The following NAPRT variants were observed in gnomAD, a reference collection of about 807,000 sequenced individuals.
The protein encoded by NAPRT is nicotinate phosphoribosyltransferase.
A neutral mutation model predicts 60.7 loss-of-function variants in NAPRT; 66 were observed. The ratio of observed to expected loss-of-function variants is 1.09; its 90% CI spans 0.89 to 1.33. The LOEUF (loss-of-function observed/expected upper bound fraction) is 1.33. NAPRT is among the 40% of genes most tolerant of loss of function. The pLI, the probability that NAPRT is intolerant of heterozygous loss-of-function variation, is 0.00. For synonymous variants in NAPRT, 405 were observed against 335.7 expected (o/e 1.21, Z -2.26); for missense variants, 818 against 731.5 (o/e 1.12, Z -1.36).
chr8:143,575,565 C>T (rs775692079), intron 9 of NAPRT, 40 bp from the exon 10 acceptor site: 2 of 1,588,220 alleles, frequency 1.3e-6, no homozygotes, highest in Admixed American at 1.7e-5. Flanking sequence ...TCCTTATCCC[C>T]CACCCAGCAC....
Position 143,575,475 on chromosome 8 carries a change from C to T in NAPRT, c.1239G>A (p.Glu413=). ...CCTTGCTCCCAGGCAACGTCTGCTT[C>T]TCGGGGTCCTCGGTCAGCTTCATTC... ...QPRMKLTEDP[E]KQTLPGSKAA... Residue 413 remains glutamate (E), a synonymous_variant, in exon 10 of 13, where the codon GAG becomes GAA. Transcript: ENST00000449291. 1 of 1,599,294 alleles carries T rather than the reference C, an allele frequency of 6.3e-7. No individual in the cohort carries two copies. Among genetic ancestry groups the T allele is most frequent in the Admixed American group, 1.7e-5 (1 of 59,812 alleles).
In NAPRT at chr8:143,575,800, G is replaced by A. The variant is rs980075088; in HGVS notation, c.1108-98C>T. ...GGAAGGAGGTGGCACTGCCCTGGGTGGGGAAGGGGGTGGCAGTGCCCTGGG... is the reference window on the plus strand; with the variant it reads ...GGAAGGAGGTGGCACTGCCCTGGGTAGGGAAGGGGGTGGCAGTGCCCTGGG... On this transcript the variant is annotated intron_variant, in intron 8 of 12. Coordinates refer to ENST00000449291, the MANE Select transcript of NAPRT (RefSeq NM_145201.6). 5.7e-6 allele frequency: 3 copies of A among 525,566 alleles called. No homozygotes were observed. The African/African-American group carries it at 1.6e-4, about 27-fold the overall frequency. 32.6% of individuals were successfully genotyped at this position (525,566 alleles called of 1,614,324 possible). A position where few individuals can be genotyped will look rare whatever the true frequency, so the allele number is the denominator to read the frequency against.
intron 2 of NAPRT, 24 bp from the exon 3 acceptor site, chr8:143,577,763 G>T: frequency 6.4e-7 from 1 of 1,562,298 alleles, no homozygotes. Context: ...AGTCAGCTCC[G>T]CGCTCGGCCC....
Position 143,577,660 on chromosome 8 carries a change from G to A in NAPRT, c.434C>T (p.Ala145Val). The change falls in exon 3 of 13, where the codon GCC (alanine) becomes GTC (valine). Residue 145 changes from alanine to valine, a missense_variant. By Grantham distance (64) the Ala-to-Val change is moderately conservative (BLOSUM62 0). Coordinates refer to ENST00000449291, the MANE Select transcript of NAPRT (RefSeq NM_145201.6). Reference sequence around the variant, plus strand: ...CTGCCAGTGGCCCGCAGCCCACCTGGCGTAGCTGACCAGGCAGAGCAGCGG... The same window carrying A: ...CTGCCAGTGGCCCGCAGCCCACCTGACGTAGCTGACCAGGCAGAGCAGCGG... ...ETPLLCLVSY[A>V]SLVATNAARL... 3 of 1,537,922 alleles carry A rather than the reference G, an allele frequency of 2.0e-6. No homozygotes were observed. The highest frequency in any genetic ancestry group is 2.6e-6 in the Non-Finnish European group (3 of 1,146,678).
At chr8:143,572,905 G>GGA (rs1179463741), downstream of NAPRT, 2 of 617,684 alleles carry the variant, frequency 3.2e-6, no homozygotes, top group Non-Finnish European at 5.2e-6. Context: ...CTGGGCTGCT[G>GGA]GAGGGGAGTG....
rs1266473103 is a variant in NAPRT at position 143,576,737 on chromosome 8, G to A, written c.790C>T (p.Pro264Ser). 1.2e-6 allele frequency: 2 copies of A among 1,608,134 alleles called. No individual in the cohort carries two copies. Among genetic ancestry groups the A allele is most frequent in the African/African-American group, 1.3e-5 (1 of 74,926 alleles). ...AAGGCTGCCCGCTCGCCTGGATGCG[G>A]CTCCTGCACCCCCAGCCCCAGGTGG... ...CAHLGLGVQE[P>S]HPGERAAFVA... is the part of the protein sequence containing the mutation. The change falls in exon 6 of 13, where the codon CCG becomes TCG. Residue 264 changes from proline (P) to serine (S), a missense_variant. Physicochemically the swap from Pro to Ser is moderately conservative, Grantham distance 74 (BLOSUM62 -1). Transcript: ENST00000449291.
chr8:143,577,965 T>A (rs372452013), intron 1 of NAPRT, 22 bp from the exon 2 acceptor site: 1 of 1,600,126 alleles, frequency 6.2e-7, no homozygotes, highest in South Asian at 1.1e-5. Context: ...GTAACTGCGC[T>A]GAGACCAGCG....
chr8:143,572,978 C>G (rs959848701), downstream of NAPRT: 104 of 466,154 alleles, frequency 2.2e-4, no homozygotes, highest in African/African-American at 1.9e-3. Context: ...GAACAGGATC[C>G]CCAAGAGCTG....
In NAPRT at chr8:143,575,612, C is replaced by T; in HGVS notation, c.1188+10G>A. ...CCTGCCCCCACCTGGGCCCCCGACA[C>T]TGTCCCTACCTTATAGACGCCACCC... On this transcript the variant is annotated intron_variant, in intron 9 of 12. Transcript: ENST00000449291. 6.3e-7 allele frequency: 1 copy of T among 1,589,952 alleles called. No individual in the cohort carries two copies. Among genetic ancestry groups the T allele is most frequent in the South Asian group, 1.1e-5 (1 of 88,432 alleles).
At position 143,577,404 on chromosome 8, in the gene NAPRT, G is replaced by T; in HGVS notation, c.438-5C>A. 6.2e-7 allele frequency: 1 copy of T among 1,605,058 alleles called. No homozygotes were observed. Among genetic ancestry groups the T allele is most frequent in the Non-Finnish European group, 8.5e-7 (1 of 1,176,658 alleles). On this transcript the variant is annotated splice_polypyrimidine_tract_variant and splice_region_variant and intron_variant, in intron 3 of 12. Coordinates refer to ENST00000449291, the MANE Select transcript of NAPRT (RefSeq NM_145201.6). ...GCTGCGTTGGTGGCCACCAGGCTGT[G>T]GGGAGCCAAGAGTCAGGGGGTCCCA...
Position 143,578,079 on chromosome 8 carries a change from G to A in NAPRT, c.226+14C>T. ...GCCGGGCGTGGGGGGCTCGTCGCGCGGACGGGGGACTACCGGCGTCCCGCA... is the reference window on the plus strand; with the variant it reads ...GCCGGGCGTGGGGGGCTCGTCGCGCAGACGGGGGACTACCGGCGTCCCGCA... On this transcript the variant is annotated intron_variant, in intron 1 of 12. Coordinates refer to ENST00000449291, the MANE Select transcript of NAPRT (RefSeq NM_145201.6). 1 of 1,506,008 alleles carries A rather than the reference G, an allele frequency of 6.6e-7. No homozygotes were observed. The highest frequency in any genetic ancestry group is 1.3e-5 in the South Asian group (1 of 79,330). 93.3% of individuals were successfully genotyped at this position (1,506,008 alleles called of 1,614,324 possible).
At chr8:143,576,028 GC>G in intron 8 of NAPRT, 49 bp downstream of exon 8, 2 of 1,458,026 alleles carry the variant, frequency 1.4e-6, no homozygotes, top group Non-Finnish European at 1.9e-6. Flanking sequence ...ACCTGCAGGG[GC>G]CCCCAGAGCC....
At chr8:143,577,224 GCTC>G in intron 4 of NAPRT, 42 bp downstream of exon 4, 1 of 1,604,770 alleles carries the variant, frequency 6.2e-7, no homozygotes. Context: ...CCAAGATGGG[GCTC>G]CTCCTTCCCG....
intron 10 of NAPRT, 35 bp from the exon 11 acceptor site, chr8:143,575,380 G>A (rs899043890): frequency 5.0e-6 from 8 of 1,598,332 alleles, no homozygotes; most frequent in Middle Eastern, 1.7e-4. Context: ...CGGGGGCCCT[G>A]GTGCTTTGAA....
rs1216915367 is a variant in NAPRT, at chr8:143,576,447, C to T, written c.1007G>A (p.Arg336Gln). The T allele has an allele frequency of 1.7e-5, 27 of 1,608,638 alleles. No individual in the cohort carries two copies. The highest frequency in any genetic ancestry group is 2.7e-5 in the African/African-American group (2 of 74,730). Residue 336 changes from arginine (R) to glutamine (Q), a missense_variant, in exon 7 of 13, where the codon CGA becomes CAA. Transcript: ENST00000449291. Reference sequence around the variant, plus strand: ...GGAAACTCACTGGGCTGCAGCAGCTCGGAAGACCTTGCGGATCTCCTGAGC... The same window carrying T: ...GGAAACTCACTGGGCTGCAGCAGCTTGGAAGACCTTGCGGATCTCCTGAGC... ...QQAQEIRKVF[R>Q]AAAAQFQVPW... is the part of the protein sequence containing the mutation.
Position 143,575,622 on chromosome 8 carries a change from C to G in NAPRT, c.1188G>C (p.Lys396Asn). Reference sequence around the variant, plus strand: ...CCTGGGCCCCCGACACTGTCCCTACCTTATAGACGCCACCCAGGGAAGGCT... The same window carrying G: ...CCTGGGCCCCCGACACTGTCCCTACGTTATAGACGCCACCCAGGGAAGGCT... ...PQQPSLGGVY[K>N]LVAVGGQPRM... is the part of the protein sequence containing the mutation. Residue 396 changes from lysine (K) to asparagine (N), a missense_variant and splice_region_variant, in exon 9 of 13, where the codon AAG becomes AAC. By Grantham distance (94) the Lys-to-Asn change is moderately conservative. Transcript: ENST00000449291. The G allele has an allele frequency of 4.4e-6, 7 of 1,592,844 alleles. No homozygotes were observed. The highest frequency in any genetic ancestry group is 6.0e-6 in the Non-Finnish European group (7 of 1,170,380).
At position 143,574,972 on chromosome 8, in the gene NAPRT, G is replaced by A. The variant is rs372164634; in HGVS notation, c.1554+14C>T. 1 of 1,546,170 alleles carries A rather than the reference G, an allele frequency of 6.5e-7. No homozygotes were observed. Among genetic ancestry groups the A allele is most frequent in the African/African-American group, 1.4e-5 (1 of 73,130 alleles). ...GCGCACAGGGCAGAATGACAGGGTG[G>A]GCCTCCCCCCAACCTGGTACTGTGC... On this transcript the variant is annotated intron_variant, in intron 12 of 12. Transcript: ENST00000449291.
In NAPRT at chr8:143,576,545, G is replaced by T; in HGVS notation, c.909C>A (p.Val303=). 6.2e-7 allele frequency: 1 copy of T among 1,611,526 alleles called. No individual in the cohort carries two copies. The highest frequency in any genetic ancestry group is 8.5e-7 in the Non-Finnish European group (1 of 1,179,410). ...AGCCCAGCTCTCCCAGGGCCAGGGC[G>T]ACTGCTAGGAAGTTGGGGAGACCAC... ...WRSGLPNFLA[V]ALALGELGYR... is the part of the protein sequence containing the mutation. The change falls in exon 7 of 13, where the codon GTC becomes GTA. Residue 303 remains valine, a synonymous_variant. Transcript: ENST00000449291.
At position 143,576,554 on chromosome 8, in the gene NAPRT, G is replaced by A. The variant is rs762281892; in HGVS notation, c.900C>T (p.Phe300=). Residue 300 remains phenylalanine (F), a synonymous_variant, in exon 7 of 13, where the codon TTC becomes TTT. Transcript: ENST00000449291. ...YSVWRSGLPN[F]LAVALALGEL... is the part of the protein sequence containing the mutation. ...CTCCCAGGGCCAGGGCGACTGCTAG[G>A]AAGTTGGGGAGACCACTCCTGCAGA... is the stretch of plus-strand genomic sequence containing the variant. 1.9e-6 allele frequency: 3 copies of A among 1,611,426 alleles called. No individual in the cohort carries two copies. Among genetic ancestry groups the A allele is most frequent in the Admixed American group, 3.3e-5 (2 of 59,822 alleles).
Sources: allele counts gnomAD v4.1 joint callset, GRCh38; gene constraint gnomAD v4.1.1; transcripts MANE v1.5; gene names NCBI Gene and HGNC (gene_info 2026-07-23, HGNC 2026-07-21).